DOCK8: variants seen among roughly 807,000 people sequenced by gnomAD.
DOCK8 encodes dedicator of cytokinesis protein 8.
DOCK8 carries 141 observed loss-of-function variants against 245.6 expected under a neutral mutation model. That is an observed-to-expected ratio of 0.57 (90% CI 0.50 to 0.66). The LOEUF (loss-of-function observed/expected upper bound fraction) is 0.66, where lower values mean the gene tolerates loss of function less well. DOCK8 is among the 30% of genes least tolerant of loss of function. The pLI, the probability that DOCK8 is intolerant of heterozygous loss-of-function variation, is 0.00. For missense variants in DOCK8, 2,965 were observed against 2,603.4 expected (o/e 1.14, Z -3.02); for synonymous variants, 1,168 against 970.2 (o/e 1.20, Z -3.79).
At chr9:297,382 A>G (rs950810074) in intron 4 of DOCK8, among the ~76,000 whole-genome samples, 3 of 152,014 alleles carry the variant, frequency 2.0e-5, no homozygotes, top group African/African-American at 4.8e-5. Flanking sequence ...TAAAGAGAAC[A>G]CTCTCAAAAC....
chr9:298,515 A>C (rs983189606), intron 4 of DOCK8, among the ~76,000 whole-genome samples: 4 of 152,144 alleles, frequency 2.6e-5, no homozygotes, highest in African/African-American at 9.7e-5. Context: ...AAAGCTGGGG[A>C]AAATATCTTA....
intron 4 of DOCK8, among the ~76,000 whole-genome samples, chr9:293,794 G>A (rs192390541): frequency 1.2e-3 from 184 of 152,304 alleles, no homozygotes; most frequent in African/African-American, 4.3e-3. Flanking sequence ...GATGCAATAG[G>A]GGTTGCTGGC....
At chr9:419,438 T>C (rs922273385) in intron 30 of DOCK8, among the ~76,000 whole-genome samples, 1 of 152,234 alleles carries the variant, frequency 6.6e-6, no homozygotes, top group African/African-American at 2.4e-5. Flanking sequence ...TATATGCCTT[T>C]TACATTATTT....
chr9:221,319 C>T (rs916130050), intron 1 of DOCK8, among the ~76,000 whole-genome samples: 1 of 152,088 alleles, frequency 6.6e-6, no homozygotes, highest in African/African-American at 2.4e-5. Flanking sequence ...GCAGCCGGCC[C>T]TCTGCATCTG....
At chr9:224,892 T>C (rs78336911) in intron 1 of DOCK8, among the ~76,000 whole-genome samples, 102 of 152,318 alleles carry the variant, frequency 6.7e-4, no homozygotes, top group Admixed American at 3.2e-3. Context: ...ATAAATGTTG[T>C]TTTAAGATGA....
intron 3 of DOCK8, among the ~76,000 whole-genome samples, chr9:287,861 C>G (rs1364751608): frequency 1.3e-5 from 2 of 152,058 alleles, no homozygotes; most frequent in Non-Finnish European, 2.9e-5. Context: ...TGGTCAGAAT[C>G]TTGGAAAAAG....
At chr9:400,078 A>ACCTCCACCACCT (rs1284628400) in intron 26 of DOCK8, among the ~76,000 whole-genome samples, 1 of 108,538 alleles carries the variant, frequency 9.2e-6, no homozygotes, top group African/African-American at 4.4e-5. Flanking sequence ...CATCACCATC[A>ACCTCCACCACCT]CCACCACCTC....
At chr9:397,656 C>G (rs982936378) in intron 25 of DOCK8, among the ~76,000 whole-genome samples, 3 of 152,128 alleles carry the variant, frequency 2.0e-5, no homozygotes, top group South Asian at 2.1e-4. Context: ...TACCACAGCA[C>G]TCCAGCCTGG....
At chr9:363,186 G>GA (rs1485397624) in intron 14 of DOCK8, among the ~76,000 whole-genome samples, 1 of 152,242 alleles carries the variant, frequency 6.6e-6, no homozygotes, top group East Asian at 1.9e-4. Context: ...ATATGTGACT[G>GA]AAAAAAACCA....
chr9:407,199 C>T (rs2131550873), intron 28 of DOCK8, 130 bp downstream of exon 28: 1 of 1,391,548 alleles, frequency 7.2e-7, no homozygotes, highest in Non-Finnish European at 9.9e-7. Context: ...GGAGTAGAAA[C>T]ATCTGTCTTG....
rs373810616 is a variant in DOCK8 at position 391,821 on chromosome 9, C to CTTTTTTTTTTTTT, written c.2970+1266_2970+1278dup. 2.0e-3 allele frequency among the ~76,000 whole-genome samples: 229 copies of CTTTTTTTTTTTTT among 116,258 alleles called. 5 individuals are homozygous for CTTTTTTTTTTTTT. Among genetic ancestry groups the CTTTTTTTTTTTTT allele is most frequent in the Non-Finnish European group, 3.1e-3 (171 of 55,158 alleles). 76.3% of individuals were successfully genotyped at this position (116,258 alleles called of 152,430 possible). A position where few individuals can be genotyped will look rare whatever the true frequency, so the allele number is the denominator to read the frequency against. On this transcript the variant is annotated intron_variant, in intron 24 of 47. Coordinates refer to ENST00000432829, the MANE Select transcript of DOCK8 (RefSeq NM_203447.4). The stretch of plus-strand genomic sequence containing the variant: ...CTTTCCCCTGTCCCATTAAGTGAAT[C>CTTTTTTTTTTTTT]TTTTTTTTTTTTTTTTTTTTTTTAA...
intron 28 of DOCK8, among the ~76,000 whole-genome samples, chr9:408,763 T>C (rs1431742741): frequency 6.6e-6 from 1 of 152,224 alleles, no homozygotes; most frequent in Non-Finnish European, 1.5e-5. Context: ...TGTTCTGGAT[T>C]CCTTGTAAAA....
chr9:453,800 A>G (rs1233791533), intron 46 of DOCK8, among the ~76,000 whole-genome samples: 7 of 152,000 alleles, frequency 4.6e-5, no homozygotes, highest in Non-Finnish European at 7.4e-5. Flanking sequence ...GGGCTCAGAG[A>G]TTGGGGGCTT....
chr9:421,047 C>T lies in DOCK8; in HGVS notation c.4122C>T (p.Ala1374=), dbSNP rs757968802. The T allele has an allele frequency of 6.2e-7, 1 of 1,614,168 alleles. No homozygotes were observed. Among genetic ancestry groups the T allele is most frequent in the East Asian group, 2.2e-5 (1 of 44,880 alleles). Residue 1374 remains alanine (A), a synonymous_variant, in exon 32 of 48, where the codon GCC becomes GCT. Transcript: ENST00000432829. ...AGGCTTTGCTCCGTGGGGAAGGGGC[C>T]AGAGGGGAGATGATGCGCCGCCGGG... ...LEEALLRGEG[A]RGEMMRRRAP... is the part of the protein sequence containing the mutation.
chr9:406,776 A>G (rs2055441760), intron 27 of DOCK8, among the ~76,000 whole-genome samples, 154 bp from the exon 28 acceptor site: 2 of 141,790 alleles, frequency 1.4e-5, no homozygotes, highest in African/African-American at 5.7e-5. Flanking sequence ...TCTGTGCCTC[A>G]GTTTCCTTGT....
At chr9:213,916 CG>C (rs2046668864), upstream of DOCK8, 1 of 151,894 alleles carries the variant, frequency 6.6e-6, no homozygotes, top group Admixed American at 6.6e-5. Context: ...TTAGTAGAGA[CG>C]GGGTTTCACC....
In DOCK8 at chr9:452,072, G is replaced by A. The variant is rs1157179354; in HGVS notation, c.6023G>A (p.Arg2008Gln). 23 of 1,598,646 alleles carry A rather than the reference G, an allele frequency of 1.4e-5. No individual in the cohort carries two copies. The highest frequency in any genetic ancestry group is 2.8e-5 in the African/African-American group (2 of 71,900). Reference protein sequence around the residue: ...AEIPADPKLYRHHNKLRLCFK... With the variant: ...AEIPADPKLYQHHNKLRLCFK... ...ATTCCTGCTGATCCAAAACTCTATC[G>A]ACATCACAACAAGTTGAGGTTATGC... The change falls in exon 46 of 48, where the codon CGA becomes CAA. Residue 2008 changes from arginine to glutamine, a missense_variant. Transcript: ENST00000432829.
Position 271,740 on chromosome 9 carries a change from G to C in DOCK8, c.156+11G>C. On this transcript the variant is annotated intron_variant, in intron 2 of 47. Coordinates refer to ENST00000432829, the MANE Select transcript of DOCK8 (RefSeq NM_203447.4). Reference sequence around the variant, plus strand: ...CCCTCTCTTCAACTAGTAAGTATGAGTTCCAGGTTTACTTAGCGATTGGTC... The same window carrying C: ...CCCTCTCTTCAACTAGTAAGTATGACTTCCAGGTTTACTTAGCGATTGGTC... 1 of 1,540,338 alleles carries C rather than the reference G, an allele frequency of 6.5e-7. No individual in the cohort carries two copies. Among genetic ancestry groups the C allele is most frequent in the Non-Finnish European group, 8.8e-7 (1 of 1,136,812 alleles).
intron 14 of DOCK8, among the ~76,000 whole-genome samples, chr9:361,157 G>A (rs1356828444): frequency 6.6e-6 from 1 of 152,096 alleles, no homozygotes; most frequent in Admixed American, 6.6e-5. Context: ...ACAGAGCATA[G>A]ACTCCATCTC....
Sources: allele counts gnomAD v4.1 joint callset (sites outside exome capture counted in the v4.1 genomes callset), GRCh38; gene constraint gnomAD v4.1.1; transcripts MANE v1.5; gene names NCBI Gene and HGNC (gene_info 2026-07-23, HGNC 2026-07-21).